The following TTC21B variants were observed in gnomAD, a reference collection of about 807,000 sequenced individuals.
TTC21B encodes tetratricopeptide repeat protein 21B.
TTC21B carries 127 observed loss-of-function variants against 175.1 expected under a neutral mutation model. The ratio of observed to expected loss-of-function variants is 0.73; its 90% CI spans 0.63 to 0.84. The LOEUF (loss-of-function observed/expected upper bound fraction) is 0.84. TTC21B is among the 40% of genes least tolerant of loss of function. The probability of loss-of-function intolerance (pLI) is 0.00; values close to 1 mark genes in which losing one functional copy is unlikely to be tolerated. For synonymous variants in TTC21B, 524 were observed against 524.5 expected (o/e 1.00, Z 0.01); for missense variants, 1,561 against 1,558.3 (o/e 1.00, Z -0.03).
rs555279792 is a variant in TTC21B, at chr2:165,875,804, T to C, written c.3873+361A>G. Among the ~76,000 whole-genome samples, 7 of 149,882 alleles carry C rather than the reference T, an allele frequency of 4.7e-5. No homozygotes were observed. The East Asian group carries it at 1.2e-3, about 26-fold the overall frequency. ...ATTTTATTTAACATGTTTCTCCCAC[T>C]GGTCTTTGTCTTTTTTTTTTTTTAA... On this transcript the variant is annotated intron_variant, in intron 28 of 28. Coordinates refer to ENST00000243344, the MANE Select transcript of TTC21B (RefSeq NM_024753.5).
intron 18 of TTC21B, among the ~76,000 whole-genome samples, chr2:165,909,200 AT>A (rs1685848471): frequency 6.6e-6 from 1 of 152,164 alleles, no homozygotes; most frequent in Admixed American, 6.5e-5. Flanking sequence ...TTGGCTATCC[AT>A]TTTGGAAACT....
Position 165,941,972 on chromosome 2 carries a change from T to A in TTC21B, c.553-788A>T, listed in dbSNP as rs540627383. On this transcript the variant is annotated intron_variant, in intron 5 of 28. Transcript: ENST00000243344. The stretch of plus-strand genomic sequence containing the variant: ...AGTTTTACTATGTTCATGTATCTCA[T>A]AGTCAGAAAAAATAAAGCTATAAAT... Among the ~76,000 whole-genome samples, 7 of 152,284 alleles carry A rather than the reference T, an allele frequency of 4.6e-5. No homozygotes were observed. In the East Asian group the frequency reaches 1.3e-3, roughly 29 times the overall value.
intron 27 of TTC21B, among the ~76,000 whole-genome samples, chr2:165,878,679 G>GAT (rs1453664123): frequency 7.0e-6 from 1 of 142,828 alleles, no homozygotes; most frequent in Non-Finnish European, 1.5e-5. Context: ...GCATGAGCAC[G>GAT]ATTTTTTTTT....
intron 18 of TTC21B, among the ~76,000 whole-genome samples, chr2:165,908,744 C>T (rs948656224): frequency 6.6e-6 from 1 of 152,028 alleles, no homozygotes. Flanking sequence ...TAAATGAAAG[C>T]ATTTATGTTA....
chr2:165,911,620 A>T (rs1685945823), intron 17 of TTC21B, among the ~76,000 whole-genome samples, 155 bp from the exon 18 acceptor site: 1 of 152,026 alleles, frequency 6.6e-6, no homozygotes, highest in East Asian at 1.9e-4. Context: ...AGTATGTCAT[A>T]CTTCTCAGAG....
At chr2:165,950,833 CTT>C (rs1431419287) in intron 1 of TTC21B, among the ~76,000 whole-genome samples, 3 of 152,178 alleles carry the variant, frequency 2.0e-5, no homozygotes, top group Admixed American at 2.0e-4. Context: ...GTCTTGAACT[CTT>C]GACTTCAAGT....
At chr2:165,884,133 C>T (rs1684931508) in intron 25 of TTC21B, 115 bp from the exon 26 acceptor site, 5 of 826,550 alleles carry the variant, frequency 6.0e-6, no homozygotes, top group Admixed American at 4.0e-5. Flanking sequence ...TTTCTAGCTC[C>T]ATTACAGATA....
chr2:165,930,732 G>GTGTGTGTGTGTGTGTGGGTGTGTGTGT, intron 8 of TTC21B, among the ~76,000 whole-genome samples: 1 of 110,832 alleles, frequency 9.0e-6, no homozygotes, highest in Non-Finnish European at 2.1e-5. Flanking sequence ...TGGGTATGGG[G>GTGTGTGTGTGTGTGTGGGTGTGTGTGT]GTGTGTGTGT....
In TTC21B at chr2:165,901,927, T is replaced by C. The variant is rs1389190606; in HGVS notation, c.2569-17A>G. On this transcript the variant is annotated splice_polypyrimidine_tract_variant and intron_variant, in intron 19 of 28. Coordinates refer to ENST00000243344, the MANE Select transcript of TTC21B (RefSeq NM_024753.5). ...TTCTCGAGCCTAGAAAAAATCAGTATAAAAGGGAATAAAAAAAAAAAAGGA... is the reference window on the plus strand; with the variant it reads ...TTCTCGAGCCTAGAAAAAATCAGTACAAAAGGGAATAAAAAAAAAAAAGGA... 1.3e-6 allele frequency: 2 copies of C among 1,593,714 alleles called. No homozygotes were observed. Among genetic ancestry groups the C allele is most frequent in the South Asian group, 2.2e-5 (2 of 89,988 alleles).
At chr2:165,923,589 C>T (rs1482091246) in intron 12 of TTC21B, among the ~76,000 whole-genome samples, 4 of 140,836 alleles carry the variant, frequency 2.8e-5, no homozygotes, top group African/African-American at 5.2e-5. Context: ...GGACTATAGG[C>T]GCCTGCCACC....
intron 19 of TTC21B, among the ~76,000 whole-genome samples, chr2:165,905,238 T>G (rs1349587522): frequency 6.6e-6 from 1 of 151,830 alleles, no homozygotes; most frequent in Non-Finnish European, 1.5e-5. Flanking sequence ...AATAACACAA[T>G]AGAGGGGAAA....
chr2:165,876,135 A>C (rs779164946), intron 28 of TTC21B, 30 bp downstream of exon 28: 11 of 1,442,362 alleles, frequency 7.6e-6, no homozygotes, highest in Non-Finnish European at 1.1e-5. Flanking sequence ...CATCTGAAAA[A>C]TTTTAAGAAA....
Position 165,901,711 on chromosome 2 carries a change from A to C in TTC21B, c.2757+11T>G. ...AATAAAAGGTATTTAAAATTTTATA[A>C]AGGTACTGACCTTATTATCTGTTTC... is the stretch of plus-strand genomic sequence containing the variant. On this transcript the variant is annotated intron_variant, in intron 20 of 28. Coordinates refer to ENST00000243344, the MANE Select transcript of TTC21B (RefSeq NM_024753.5). The C allele has an allele frequency of 1.2e-6, 2 of 1,611,764 alleles. No individual in the cohort carries two copies. Among genetic ancestry groups the C allele is most frequent in the Non-Finnish European group, 1.7e-6 (2 of 1,177,940 alleles).
At chr2:165,948,218 T>A (rs1042294248) in intron 3 of TTC21B, 15 of 152,346 alleles carry the variant, frequency 9.8e-5, no homozygotes, top group African/African-American at 3.4e-4. Context: ...CAGCCTACTC[T>A]TACAGCTGAA....
intron 18 of TTC21B, among the ~76,000 whole-genome samples, chr2:165,910,914 G>A (rs1018195584): frequency 2.0e-5 from 3 of 152,036 alleles, no homozygotes; most frequent in African/African-American, 7.2e-5. Context: ...CAAGCTACTA[G>A]GGAGGTAATT....
chr2:165,904,289 GGATAA>G (rs1249339102), intron 19 of TTC21B, among the ~76,000 whole-genome samples: 2 of 151,992 alleles, frequency 1.3e-5, no homozygotes, highest in East Asian at 1.9e-4. Context: ...CAATAATTAA[GGATAA>G]GATATTAATA....
intron 6 of TTC21B, among the ~76,000 whole-genome samples, chr2:165,935,542 T>G (rs1231425429): frequency 2.0e-5 from 3 of 152,086 alleles, no homozygotes; most frequent in Non-Finnish European, 4.4e-5. Flanking sequence ...ACAGATGACA[T>G]GAACATCTAT....
Position 165,890,821 on chromosome 2 carries a change from T to C in TTC21B, c.3101+17A>G. 6.2e-7 allele frequency: 1 copy of C among 1,611,268 alleles called. No individual in the cohort carries two copies. The highest frequency in any genetic ancestry group is 8.5e-7 in the Non-Finnish European group (1 of 1,178,278). On this transcript the variant is annotated intron_variant, in intron 23 of 28. Coordinates refer to ENST00000243344, the MANE Select transcript of TTC21B (RefSeq NM_024753.5). ...AGAAAAAAAAATCATGTAGCATTTA[T>C]TTGTAAATAGATTTACCAAAGATAC... is the stretch of plus-strand genomic sequence containing the variant.
chr2:165,876,597 AC>A (rs1234852788), intron 27 of TTC21B, among the ~76,000 whole-genome samples: 2 of 152,242 alleles, frequency 1.3e-5, no homozygotes, highest in African/African-American at 2.4e-5. Flanking sequence ...TTTATACAGT[AC>A]AGATTTATTT....
Sources: allele counts gnomAD v4.1 joint callset (sites outside exome capture counted in the v4.1 genomes callset), GRCh38; gene constraint gnomAD v4.1.1; transcripts MANE v1.5; gene names NCBI Gene and HGNC (gene_info 2026-07-23, HGNC 2026-07-21).